The following ELF5 variants were observed in gnomAD, a reference collection of about 807,000 sequenced individuals.
ELF5 encodes E74 like ETS transcription factor 5.
In ELF5, 31 loss-of-function variants were observed where a neutral mutation model predicts 38.2. That is an observed-to-expected ratio of 0.81 (90% CI 0.61 to 1.10). The LOEUF is 1.10. Among genes scored for constraint, ELF5 ranks in the 50% least tolerant of loss-of-function variants. The probability of loss-of-function intolerance (pLI) is 0.00; values close to 1 mark genes in which losing one functional copy is unlikely to be tolerated. For synonymous variants in ELF5, 121 were observed against 112.5 expected (o/e 1.08, Z -0.48); for missense variants, 300 against 306.6 (o/e 0.98, Z 0.16).
In ELF5 at chr11:34,480,973, GA is replaced by G; in HGVS notation, c.476-7del. 1 of 1,588,812 alleles carries G rather than the reference GA, an allele frequency of 6.3e-7. No homozygotes were observed. Among genetic ancestry groups the G allele is most frequent in the South Asian group, 1.2e-5 (1 of 86,074 alleles). Reference sequence around the variant, plus strand: ...TAGATGAGAACTTTGGAGGCCTTTTGAAAAGGGGAAAACATTAACTATTTAC... The same window carrying G: ...TAGATGAGAACTTTGGAGGCCTTTTGAAAGGGGAAAACATTAACTATTTAC... On this transcript the variant is annotated splice_polypyrimidine_tract_variant and splice_region_variant and intron_variant, in intron 5 of 6. Transcript: ENST00000257832.
At chr11:34,495,371 T>C (rs1850291167) in intron 2 of ELF5, among the ~76,000 whole-genome samples, 1 of 152,130 alleles carries the variant, frequency 6.6e-6, no homozygotes, top group African/African-American at 2.4e-5. Flanking sequence ...CAGTTGCTGA[T>C]GATTCCAGGC....
At chr11:34,512,759 C>T (rs953006999) in intron 1 of ELF5, among the ~76,000 whole-genome samples, 1 of 152,024 alleles carries the variant, frequency 6.6e-6, no homozygotes, top group Non-Finnish European at 1.5e-5. Context: ...CCCGAGAATA[C>T]CTTAGATTAT....
intron 5 of ELF5, 25 bp from the exon 6 acceptor site, chr11:34,480,992 C>T: frequency 6.7e-7 from 1 of 1,493,508 alleles, no homozygotes; most frequent in South Asian, 1.4e-5. Flanking sequence ...AAAACATTAA[C>T]TATTTACCAT....
chr11:34,504,256 G>A (rs1850548778), intron 2 of ELF5, among the ~76,000 whole-genome samples: 1 of 152,246 alleles, frequency 6.6e-6, no homozygotes, highest in Non-Finnish European at 1.5e-5. Context: ...TTCAAGGGAA[G>A]GAGACACAGT....
chr11:34,483,429 T>C (rs976647465), intron 4 of ELF5, among the ~76,000 whole-genome samples: 1 of 151,998 alleles, frequency 6.6e-6, no homozygotes, highest in Non-Finnish European at 1.5e-5. Context: ...GCCGGGCATA[T>C]AGTAGGTGCT....
Position 34,506,288 on chromosome 11 carries a change from G to T in ELF5, c.-4-535C>A, listed in dbSNP as rs1427994605. 2.6e-5 allele frequency among the ~76,000 whole-genome samples: 4 copies of T among 152,106 alleles called. No homozygotes were observed. The East Asian group carries it at 7.7e-4, about 29-fold the overall frequency. On this transcript the variant is annotated intron_variant, in intron 1 of 6. Coordinates refer to ENST00000257832, the MANE Select transcript of ELF5 (RefSeq NM_001422.4). ...CTTAGAAGGGGGCACTAAATGTTGA[G>T]TACTCCTGGACATAAAGGTGGGGAC...
rs73438738 is a variant in ELF5 at position 34,497,035 on chromosome 11, A to G, written c.122-3323T>C. The stretch of plus-strand genomic sequence containing the variant: ...GATAAGCAGAGCCTGACTAGAAAAA[A>G]TAAAAAATACAATCTAGCTTTGAAG... On this transcript the variant is annotated intron_variant, in intron 2 of 6. Coordinates refer to ENST00000257832, the MANE Select transcript of ELF5 (RefSeq NM_001422.4). Among the ~76,000 whole-genome samples, 381 of 152,338 alleles carry G rather than the reference A, an allele frequency of 2.5e-3. 1 individual carries two copies. The highest frequency in any genetic ancestry group is 8.5e-3 in the African/African-American group (352 of 41,578).
chr11:34,487,140 G>C (rs1850018604), intron 4 of ELF5, among the ~76,000 whole-genome samples: 1 of 152,002 alleles, frequency 6.6e-6, no homozygotes, highest in African/African-American at 2.4e-5. Context: ...GGTTGGGGGA[G>C]AGCCAGAGAT....
intron 1 of ELF5, chr11:34,511,650 G>C: frequency 9.5e-6 from 15 of 1,580,642 alleles, no homozygotes; most frequent in Admixed American, 6.7e-5. Flanking sequence ...CACACAGAGA[G>C]GGTCCACCGA....
chr11:34,511,988 C>G (rs891916236), intron 1 of ELF5, among the ~76,000 whole-genome samples: 1 of 152,166 alleles, frequency 6.6e-6, no homozygotes, highest in South Asian at 2.1e-4. Context: ...CAAGATTGGG[C>G]TTCCTCAACC....
intron 1 of ELF5, among the ~76,000 whole-genome samples, chr11:34,508,526 T>A (rs935434269): frequency 1.1e-4 from 16 of 151,868 alleles, no homozygotes; most frequent in Admixed American, 3.3e-4. Flanking sequence ...AAATAAAAAA[T>A]AAAAAATAAA....
chr11:34,488,530 T>A (rs1850070182), intron 4 of ELF5, among the ~76,000 whole-genome samples: 1 of 152,230 alleles, frequency 6.6e-6, no homozygotes, highest in Admixed American at 6.5e-5. Flanking sequence ...AGGGCCTGGT[T>A]CATAGGAAGC....
At chr11:34,496,816 G>A (rs1850332464) in intron 2 of ELF5, among the ~76,000 whole-genome samples, 2 of 152,128 alleles carry the variant, frequency 1.3e-5, no homozygotes, top group Non-Finnish European at 2.9e-5. Context: ...GCCGTTCCGG[G>A]GACTGACGGG....
intron 2 of ELF5, among the ~76,000 whole-genome samples, chr11:34,505,223 G>C (rs944893205): frequency 2.3e-4 from 35 of 152,228 alleles, no homozygotes; most frequent in African/African-American, 8.4e-4. Flanking sequence ...ACAAGGTTTG[G>C]TACACAGCTC....
At chr11:34,486,523 G>A (rs150467472) in intron 4 of ELF5, among the ~76,000 whole-genome samples, 137 of 152,340 alleles carry the variant, frequency 9.0e-4, no homozygotes, top group African/African-American at 3.1e-3. Context: ...TTAGTGGGCA[G>A]CAGAGTGAAT....
rs1017417192 is a variant in ELF5, at chr11:34,480,147, C to A, written c.*71G>T. On this transcript the variant is annotated 3_prime_UTR_variant, in exon 7 of 7. Transcript: ENST00000257832. ...AAAAAGAGAAGAAAATGAAGCCTTT[C>A]GAATGTCTATTGCAATCTGATTGTT... The A allele has an allele frequency of 7.9e-7, 1 of 1,269,266 alleles. No homozygotes were observed. Among genetic ancestry groups the A allele is most frequent in the Admixed American group, 2.1e-5 (1 of 47,346 alleles). 78.6% of individuals were successfully genotyped at this position (1,269,266 alleles called of 1,614,324 possible).
At chr11:34,499,663 C>T (rs780128585) in intron 2 of ELF5, among the ~76,000 whole-genome samples, 2 of 152,212 alleles carry the variant, frequency 1.3e-5, no homozygotes, top group Non-Finnish European at 2.9e-5. Context: ...GATCTTTTTC[C>T]TCTGCTGATT....
chr11:34,511,995 A>C (rs1040109381), intron 1 of ELF5, among the ~76,000 whole-genome samples: 1 of 152,146 alleles, frequency 6.6e-6, no homozygotes, highest in African/African-American at 2.4e-5. Flanking sequence ...GGGCTTCCTC[A>C]ACCCCACCCT....
At chr11:34,493,119 T>A in intron 3 of ELF5, 1 of 428,508 alleles carries the variant, frequency 2.3e-6, no homozygotes, top group Admixed American at 3.9e-5. Context: ...ATTTTATTCC[T>A]CTTCTGCTTA....
Sources: allele counts gnomAD v4.1 joint callset (sites outside exome capture counted in the v4.1 genomes callset), GRCh38; gene constraint gnomAD v4.1.1; transcripts MANE v1.5; gene names NCBI Gene and HGNC (gene_info 2026-07-23, HGNC 2026-07-21).